Variants in KRABD5 observed in about 807,000 individuals in gnomAD.
The protein encoded by KRABD5 is KRAB domain containing 5.
the KRABD5 span, chr16:31,713,650 G>A: frequency 2.7e-5 from 17 of 636,052 alleles, no homozygotes; most frequent in South Asian, 3.3e-4. Flanking sequence ...CCTCTGCCAT[G>A]GCCGGAGCCG....
At chr16:31,744,880 C>A in the KRABD5 span, among the ~76,000 whole-genome samples, 2 of 152,044 alleles carry the variant, frequency 1.3e-5, no homozygotes, top group African/African-American at 4.8e-5. Context: ...GGAATTTATC[C>A]ATTTCTTCTG....
At chr16:31,734,267 T>A in the KRABD5 span, among the ~76,000 whole-genome samples, 1 of 151,834 alleles carries the variant, frequency 6.6e-6, no homozygotes, top group Non-Finnish European at 1.5e-5. Context: ...TTATTGTTTG[T>A]AGAGACAGGA....
chr16:31,741,635 G>A, the KRABD5 span, among the ~76,000 whole-genome samples: 2 of 151,860 alleles, frequency 1.3e-5, no homozygotes, highest in Non-Finnish European at 2.9e-5. Context: ...CTTGCCCTTT[G>A]CCCACTTTTT....
chr16:31,742,990 C>T, the KRABD5 span, among the ~76,000 whole-genome samples: 2 of 152,114 alleles, frequency 1.3e-5, no homozygotes, highest in Non-Finnish European at 1.5e-5. Flanking sequence ...ATATCCTTTG[C>T]CCACTTTTTG....
At chr16:31,733,966 A>C in the KRABD5 span, among the ~76,000 whole-genome samples, 2 of 152,136 alleles carry the variant, frequency 1.3e-5, no homozygotes, top group Non-Finnish European at 2.9e-5. Flanking sequence ...TCATCCTTTG[A>C]TATTATATCC....
the KRABD5 span, chr16:31,753,940 C>T: frequency 1.3e-6 from 2 of 1,550,382 alleles, no homozygotes; most frequent in Non-Finnish European, 1.7e-6. Context: ...GATGGACATA[C>T]AAAATGTAAG....
chr16:31,743,194 C>A, the KRABD5 span, among the ~76,000 whole-genome samples: 14 of 152,076 alleles, frequency 9.2e-5, no homozygotes, highest in Non-Finnish European at 1.9e-4. Flanking sequence ...GAAGTCTTTG[C>A]CCATGTCTAT....
At chr16:31,756,609 T>C in the KRABD5 span, 1 of 152,192 alleles carries the variant, frequency 6.6e-6, no homozygotes, top group Non-Finnish European at 1.5e-5. Context: ...TTATATTCTT[T>C]CCTGCTTTTT....
At chr16:31,759,449 G>A in the KRABD5 span, 2 of 1,521,776 alleles carry the variant, frequency 1.3e-6, no homozygotes, top group Non-Finnish European at 1.8e-6. Context: ...GGTGATGAAA[G>A]TGTTGCTTCG....
the KRABD5 span, among the ~76,000 whole-genome samples, chr16:31,737,745 A>G: frequency 6.6e-6 from 1 of 152,166 alleles, no homozygotes; most frequent in African/African-American, 2.4e-5. Context: ...AGAAAGTATG[A>G]TGCCTCTTTG....
the KRABD5 span, among the ~76,000 whole-genome samples, chr16:31,732,494 A>C: frequency 3.3e-5 from 5 of 152,230 alleles, no homozygotes; most frequent in South Asian, 1.0e-3. Context: ...TTATAAGTTT[A>C]AGTTTACTGC....
the KRABD5 span, among the ~76,000 whole-genome samples, chr16:31,738,700 A>G: frequency 1.3e-5 from 2 of 151,966 alleles, no homozygotes; most frequent in Non-Finnish European, 2.9e-5. Flanking sequence ...ATGACTCACC[A>G]TTGCATTTTG....
the KRABD5 span, among the ~76,000 whole-genome samples, chr16:31,745,673 CT>C: frequency 8.1e-6 from 1 of 123,986 alleles, no homozygotes; most frequent in Non-Finnish European, 1.9e-5. Context: ...CTTGAATATC[CT>C]TGTTAATTTT....
the KRABD5 span, among the ~76,000 whole-genome samples, chr16:31,738,742 T>C: frequency 3.9e-5 from 6 of 152,288 alleles, no homozygotes; most frequent in East Asian, 1.2e-3. Flanking sequence ...TTGTATCTAT[T>C]TTGGTCCCGT....
At chr16:31,757,842 GTAGGTAGGTAGATAGATAGATAGA>G in the KRABD5 span, 3 of 136,714 alleles carry the variant, frequency 2.2e-5, no homozygotes, top group Non-Finnish European at 4.7e-5. Context: ...AGGTAGGTAG[GTAGGTAGGTAGATAGATAGATAGA>G]TAGATAGATA....
At chr16:31,760,605 G>A in the KRABD5 span, 1 of 150,224 alleles carries the variant, frequency 6.7e-6, no homozygotes, top group Admixed American at 6.7e-5. Flanking sequence ...CCTGCATTTG[G>A]AGTCTTGGAA....
chr16:31,720,451 G>A, the KRABD5 span, among the ~76,000 whole-genome samples: 1 of 152,158 alleles, frequency 6.6e-6, no homozygotes, highest in Non-Finnish European at 1.5e-5. Context: ...ACCAAATGAT[G>A]TGTATGCATA....
chr16:31,753,641 G>C, the KRABD5 span: 1 of 898,306 alleles, frequency 1.1e-6, no homozygotes, highest in Non-Finnish European at 1.6e-6. Context: ...AAAACAAAGG[G>C]GCCTCAAGTT....
At chr16:31,754,611 T>G in the KRABD5 span, 2 of 475,750 alleles carry the variant, frequency 4.2e-6, no homozygotes, top group South Asian at 1.5e-5. Context: ...AGTATCTTTA[T>G]TCAAGAGAAG....
Sources: gnomAD v4.1 joint callset for allele counts (sites outside exome capture counted in the v4.1 genomes callset) on GRCh38, gnomAD v4.1.1 for gene constraint, MANE v1.5 for transcripts, NCBI Gene and HGNC (gene_info 2026-07-23, HGNC 2026-07-21) for gene names.